Variants in PXDNL observed in about 807,000 individuals in gnomAD.
PXDNL encodes the protein peroxidasin like.
In PXDNL, 145 loss-of-function variants were observed where a neutral mutation model predicts 150.8. The ratio of observed to expected loss-of-function variants is 0.96; its 90% CI spans 0.84 to 1.10. PXDNL has a LOEUF of 1.10. PXDNL is among the 50% of genes least tolerant of loss of function. The pLI, the probability that PXDNL is intolerant of heterozygous loss-of-function variation, is 0.00. For missense variants in PXDNL, 2,087 were observed against 1,873.9 expected (o/e 1.11, Z -2.10); for synonymous variants, 757 against 725.7 (o/e 1.04, Z -0.69).
At chr8:51,446,604 G>T (rs1037717710) in intron 12 of PXDNL, among the ~76,000 whole-genome samples, 1 of 152,208 alleles carries the variant, frequency 6.6e-6, no homozygotes, top group East Asian at 1.9e-4. Context: ...GTCTGAAGGG[G>T]AGTGTCTTCA....
chr8:51,719,563 G>A (rs1416673545), intron 1 of PXDNL, among the ~76,000 whole-genome samples: 1 of 151,490 alleles, frequency 6.6e-6, no homozygotes, highest in East Asian at 1.9e-4. Context: ...TTGTTTATCT[G>A]CTGACTTTCC....
intron 4 of PXDNL, among the ~76,000 whole-genome samples, chr8:51,508,009 G>A (rs1269478298): frequency 1.3e-5 from 2 of 152,146 alleles, no homozygotes; most frequent in Non-Finnish European, 2.9e-5. Context: ...CTAGAAAAAT[G>A]AAATGATAGA....
chr8:51,651,641 T>C (rs998905451), intron 2 of PXDNL, among the ~76,000 whole-genome samples: 17 of 152,220 alleles, frequency 1.1e-4, no homozygotes, highest in Admixed American at 2.6e-4. Flanking sequence ...ATTTAAATAG[T>C]GGCATGCATT....
At chr8:51,607,965 G>C (rs114594786) in intron 2 of PXDNL, among the ~76,000 whole-genome samples, 1,739 of 137,350 alleles carry the variant, frequency 0.013, 148 homozygotes, top group African/African-American at 0.045. Context: ...GAAATAAAGA[G>C]AAAGAAAGGA....
At chr8:51,633,731 T>G (rs1456936093) in intron 2 of PXDNL, among the ~76,000 whole-genome samples, 6 of 152,166 alleles carry the variant, frequency 3.9e-5, no homozygotes, top group African/African-American at 1.4e-4. Context: ...CTCAGATGAT[T>G]AGTGACGTGG....
At chr8:51,608,673 T>A (rs1454699946) in intron 2 of PXDNL, among the ~76,000 whole-genome samples, 5 of 149,556 alleles carry the variant, frequency 3.3e-5, no homozygotes, top group Admixed American at 6.6e-5. Flanking sequence ...CCGTCTTTAC[T>A]AAAAATACAA....
At chr8:51,577,191 GA>G (rs1813074438) in intron 3 of PXDNL, among the ~76,000 whole-genome samples, 1 of 151,376 alleles carries the variant, frequency 6.6e-6, no homozygotes, top group South Asian at 2.1e-4. Flanking sequence ...GAGATAGTAA[GA>G]AAAAAGGAAA....
chr8:51,439,806 C>T (rs1809495935), intron 12 of PXDNL, among the ~76,000 whole-genome samples: 1 of 104,624 alleles, frequency 9.6e-6, no homozygotes, highest in Non-Finnish European at 1.8e-5. Context: ...GCCTAGGTGA[C>T]AAAGTCAGAC....
intron 14 of PXDNL, among the ~76,000 whole-genome samples, chr8:51,417,475 T>C (rs987145093): frequency 7.2e-5 from 11 of 152,144 alleles, no homozygotes; most frequent in Admixed American, 2.0e-4. Context: ...TCTGGGTGAC[T>C]TGGGGACTGG....
intron 6 of PXDNL, among the ~76,000 whole-genome samples, chr8:51,478,420 G>A (rs1810529133): frequency 6.6e-6 from 1 of 152,176 alleles, no homozygotes; most frequent in Non-Finnish European, 1.5e-5. Flanking sequence ...GTGGTGCTAG[G>A]TAAATTAATC....
intron 17 of PXDNL, among the ~76,000 whole-genome samples, 177 bp from the exon 18 acceptor site, chr8:51,374,908 C>T (rs1433999807): frequency 6.6e-6 from 1 of 152,168 alleles, no homozygotes; most frequent in Non-Finnish European, 1.5e-5. Flanking sequence ...CCTCAGGGAT[C>T]ACCCCATAGG....
At chr8:51,720,129 T>C (rs1045938179) in intron 1 of PXDNL, among the ~76,000 whole-genome samples, 24 of 151,900 alleles carry the variant, frequency 1.6e-4, no homozygotes, top group Non-Finnish European at 3.1e-4. Context: ...AAATACAGTA[T>C]TTTCTTTTTT....
chr8:51,779,133 T>G (rs1278155024), intron 1 of PXDNL, among the ~76,000 whole-genome samples: 2 of 152,200 alleles, frequency 1.3e-5, no homozygotes, highest in African/African-American at 4.8e-5. Context: ...AAGATAATAC[T>G]GTAGTGAGAC....
At chr8:51,437,898 C>T (rs549833517) in intron 12 of PXDNL, among the ~76,000 whole-genome samples, 1 of 152,090 alleles carries the variant, frequency 6.6e-6, no homozygotes, top group South Asian at 2.1e-4. Flanking sequence ...TGATTGTATA[C>T]CTAGAAAACC....
intron 2 of PXDNL, among the ~76,000 whole-genome samples, chr8:51,652,794 T>C (rs948851897): frequency 6.6e-6 from 1 of 152,232 alleles, no homozygotes; most frequent in Non-Finnish European, 1.5e-5. Context: ...ACATAATTAC[T>C]ATTTTATTAC....
intron 12 of PXDNL, among the ~76,000 whole-genome samples, chr8:51,440,836 A>C (rs1386102459): frequency 6.6e-6 from 1 of 152,120 alleles, no homozygotes; most frequent in Non-Finnish European, 1.5e-5. Flanking sequence ...GAGAAGAGTG[A>C]GATGTGTCCC....
chr8:51,578,053 A>AAG (rs1813123793), intron 3 of PXDNL, among the ~76,000 whole-genome samples: 6 of 127,212 alleles, frequency 4.7e-5, no homozygotes, highest in African/African-American at 8.8e-5. Context: ...AAGGAAGGAA[A>AAG]GAAAGAAAGG....
chr8:51,458,775 TGAATA>T (rs1275252971), intron 8 of PXDNL, among the ~76,000 whole-genome samples: 1 of 152,208 alleles, frequency 6.6e-6, no homozygotes, highest in East Asian at 1.9e-4. Context: ...GTTAAAGAGA[TGAATA>T]AATTGTCATT....
chr8:51,746,271 T>C (rs1421753933), intron 1 of PXDNL, among the ~76,000 whole-genome samples: 5 of 152,220 alleles, frequency 3.3e-5, no homozygotes, highest in African/African-American at 4.8e-5. Context: ...GTCAGTCTTC[T>C]CTTCTTGCAG....
Sources: gnomAD v4.1 joint callset for allele counts (sites outside exome capture counted in the v4.1 genomes callset) on GRCh38, gnomAD v4.1.1 for gene constraint, MANE v1.5 for transcripts, NCBI Gene and HGNC (gene_info 2026-07-23, HGNC 2026-07-21) for gene names.